HECW1: variants seen among roughly 807,000 people sequenced by gnomAD.
The protein encoded by HECW1 is E3 ubiquitin-protein ligase HECW1.
HECW1 carries 61 observed loss-of-function variants against 182.3 expected under a neutral mutation model. The ratio of observed to expected loss-of-function variants is 0.33; its 90% CI spans 0.27 to 0.41. The LOEUF (loss-of-function observed/expected upper bound fraction) is 0.41, where lower values mean the gene tolerates loss of function less well. HECW1 is among the 10% of genes least tolerant of loss of function. HECW1 has a pLI of 1.00. For missense variants in HECW1, 1,739 were observed against 2,108.9 expected (o/e 0.82, Z 3.44); for synonymous variants, 859 against 832.6 (o/e 1.03, Z -0.55).
At chr7:43,192,606 T>G (rs919303209) in intron 2 of HECW1, among the ~76,000 whole-genome samples, 1 of 152,196 alleles carries the variant, frequency 6.6e-6, no homozygotes, top group Admixed American at 6.5e-5. Context: ...TATTAATAAC[T>G]TACGCGTGCT....
intron 2 of HECW1, among the ~76,000 whole-genome samples, chr7:43,158,861 G>C (rs1344151474): frequency 6.6e-6 from 1 of 152,130 alleles, no homozygotes; most frequent in Non-Finnish European, 1.5e-5. Context: ...TTCCTCCTAG[G>C]ACCCTGACTT....
rs750202163 is a variant in HECW1 at position 43,320,659 on chromosome 7, T to C, written c.377T>C (p.Leu126Pro). 4 of 1,614,010 alleles carry C rather than the reference T, an allele frequency of 2.5e-6. No homozygotes were observed. The highest frequency in any genetic ancestry group is 3.4e-6 in the Non-Finnish European group (4 of 1,179,856). ...LIDEVLSENF[L>P]DYKNRGVNGS... ...GATGAGGTCTTGTCCGAAAACTTTCTGGACTATAAAAACCGTGGAGTCAAT... is the reference window on the plus strand; with the variant it reads ...GATGAGGTCTTGTCCGAAAACTTTCCGGACTATAAAAACCGTGGAGTCAAT... The change falls in exon 5 of 30, where the codon CTG (leucine) becomes CCG (proline). Residue 126 changes from leucine (L) to proline (P), a missense_variant. Physicochemically the swap from Leu to Pro is moderately conservative, Grantham distance 98. This residue lies in a region of HECW1 where 279 missense variants were observed against 353.1 expected (regional missense o/e 0.79). Coordinates refer to ENST00000395891, the MANE Select transcript of HECW1 (RefSeq NM_015052.5).
chr7:43,153,226 T>G (rs17172168), intron 2 of HECW1, among the ~76,000 whole-genome samples: 2,155 of 152,300 alleles, frequency 0.014, 59 homozygotes, highest in African/African-American at 0.049. Context: ...ATGGATTGTT[T>G]CATTGTCATT....
At chr7:43,140,835 C>A (rs1242350948) in intron 2 of HECW1, among the ~76,000 whole-genome samples, 1 of 152,150 alleles carries the variant, frequency 6.6e-6, no homozygotes, top group African/African-American at 2.4e-5. Flanking sequence ...TGAGGGCTTG[C>A]TTTCTGGCTT....
intron 23 of HECW1, chr7:43,508,617 C>T (rs1008252899): frequency 6.7e-6 from 2 of 300,040 alleles, no homozygotes; most frequent in African/African-American, 4.3e-5. Flanking sequence ...TGCACACATT[C>T]ACTGTTGCAG....
chr7:43,481,667 GC>G (rs2078438385), intron 17 of HECW1, among the ~76,000 whole-genome samples: 1 of 152,014 alleles, frequency 6.6e-6, no homozygotes, highest in South Asian at 2.1e-4. Flanking sequence ...AACATGTATG[GC>G]AAAGTGCCAT....
intron 8 of HECW1, among the ~76,000 whole-genome samples, chr7:43,412,311 T>C (rs1286890784): frequency 6.6e-6 from 1 of 152,064 alleles, no homozygotes; most frequent in Non-Finnish European, 1.5e-5. Context: ...AAACCCTACA[T>C]GACGATGTTA....
intron 12 of HECW1, among the ~76,000 whole-genome samples, chr7:43,451,339 G>A (rs554699210): frequency 6.6e-6 from 1 of 152,280 alleles, no homozygotes; most frequent in African/African-American, 2.4e-5. Flanking sequence ...ATCTCCATAT[G>A]TTAAAACAAC....
chr7:43,393,832 T>TAACA (rs2075130370), intron 6 of HECW1, among the ~76,000 whole-genome samples: 1 of 152,212 alleles, frequency 6.6e-6, no homozygotes, highest in African/African-American at 2.4e-5. Context: ...CATCCTTTGT[T>TAACA]ATCATTGCAT....
At chr7:43,220,649 T>A in intron 2 of HECW1, among the ~76,000 whole-genome samples, 1 of 152,168 alleles carries the variant, frequency 6.6e-6, no homozygotes, top group East Asian at 1.9e-4. Flanking sequence ...TCCCAGGAAT[T>A]GGAAACAAAG....
At chr7:43,407,857 T>C in intron 8 of HECW1, 126 bp downstream of exon 8, 1 of 834,388 alleles carries the variant, frequency 1.2e-6, no homozygotes, top group South Asian at 2.1e-5. Context: ...GCTGTCATGG[T>C]CTTAGAAGGG....
At chr7:43,514,229 G>A (rs1199963245) in intron 24 of HECW1, among the ~76,000 whole-genome samples, 1 of 151,906 alleles carries the variant, frequency 6.6e-6, no homozygotes, top group Admixed American at 6.6e-5. Context: ...TTACAGAACA[G>A]TATGTGTCTG....
At chr7:43,557,747 A>C (rs1246576246) in intron 29 of HECW1, among the ~76,000 whole-genome samples, 1 of 152,248 alleles carries the variant, frequency 6.6e-6, no homozygotes, top group Non-Finnish European at 1.5e-5. Context: ...GTCCACAGAA[A>C]GAAATGCCTT....
At chr7:43,437,441 C>G (rs1268251780) in intron 8 of HECW1, among the ~76,000 whole-genome samples, 1 of 152,186 alleles carries the variant, frequency 6.6e-6, no homozygotes, top group African/African-American at 2.4e-5. Context: ...GAAGGAAAAT[C>G]TCTAAAAATA....
In HECW1 at chr7:43,444,517, A is replaced by G. The variant is rs1434963649; in HGVS notation, c.1345A>G (p.Ile449Val). 6.2e-7 allele frequency: 1 copy of G among 1,611,768 alleles called. No homozygotes were observed. Among genetic ancestry groups the G allele is most frequent in the East Asian group, 2.2e-5 (1 of 44,820 alleles). Residue 449 changes from isoleucine to valine, a missense_variant, in exon 11 of 30, where the codon ATC becomes GTC. By Grantham distance (29) the Ile-to-Val change is conservative. Coordinates refer to ENST00000395891, the MANE Select transcript of HECW1 (RefSeq NM_015052.5). This position sits in a 1 kb window ranked among gnomAD's most constrained non-coding sequence, Gnocchi z 4.3. ...GCTCCTGGCCCAGGTGCAAAAGGAC[A>G]TCCAGCCTGCCCCCAGTGCAGAAGA... is the stretch of plus-strand genomic sequence containing the variant. ...GELLAQVQKD[I>V]QPAPSAEELA...
chr7:43,213,072 G>T (rs948044930), intron 2 of HECW1, among the ~76,000 whole-genome samples: 1 of 151,902 alleles, frequency 6.6e-6, no homozygotes, highest in Non-Finnish European at 1.5e-5. Flanking sequence ...GCCTTTTCAT[G>T]AGTTAATCTA....
At chr7:43,124,099 C>A (rs1010212225) in intron 2 of HECW1, among the ~76,000 whole-genome samples, 5 of 152,128 alleles carry the variant, frequency 3.3e-5, no homozygotes, top group African/African-American at 1.2e-4. Context: ...CTCCTGACTC[C>A]GTCCTTTTTC....
chr7:43,292,779 C>T (rs1369649966), intron 3 of HECW1, among the ~76,000 whole-genome samples: 4 of 152,162 alleles, frequency 2.6e-5, no homozygotes, highest in Admixed American at 2.0e-4. Flanking sequence ...TTGTCTTCAG[C>T]TCAGCCCCTA....
At chr7:43,275,708 G>A (rs191676191) in intron 3 of HECW1, among the ~76,000 whole-genome samples, 1,802 of 146,080 alleles carry the variant, frequency 0.012, 29 homozygotes, top group South Asian at 0.065. Flanking sequence ...TTATGCGCAC[G>A]CACACACACA....
Sources: gnomAD v4.1 joint callset for allele counts (sites outside exome capture counted in the v4.1 genomes callset) on GRCh38, gnomAD v4.1.1 for gene constraint, gnomAD v4.1.1 regional missense constraint, Gnocchi (gnomAD v3.1) non-coding constraint, MANE v1.5 for transcripts, NCBI Gene and HGNC (gene_info 2026-07-23, HGNC 2026-07-21) for gene names.